DSCAM: variants seen among roughly 807,000 people sequenced by gnomAD.
The protein encoded by DSCAM is cell adhesion molecule DSCAM.
Under a neutral mutation model 217.7 loss-of-function variants are expected in DSCAM, and 47 were observed. That is an observed-to-expected ratio of 0.22 (90% CI 0.17 to 0.28). The LOEUF is 0.28. Ranked by LOEUF, DSCAM falls within the 10% of genes least tolerant of loss-of-function variation. DSCAM has a pLI of 1.00. For missense variants in DSCAM, 2,080 were observed against 2,618.3 expected (o/e 0.79, Z 4.49); for synonymous variants, 1,056 against 1,015.3 (o/e 1.04, Z -0.76).
In DSCAM at chr21:40,012,193, T is replaced by C. The variant is rs939290033; in HGVS notation, c.*841A>G. ...TTCGAATACTTGGGCTGGCCTCTGG[T>C]TGCGGTGGAGACCAGCCTGCATTTT... On this transcript the variant is annotated 3_prime_UTR_variant, in exon 33 of 33. Coordinates refer to ENST00000400454, the MANE Select transcript of DSCAM (RefSeq NM_001389.5). The C allele has an allele frequency of 6.6e-6, 1 of 152,230 alleles. No individual in the cohort carries two copies. Among genetic ancestry groups the C allele is most frequent in the African/African-American group, 2.4e-5 (1 of 41,438 alleles). 9.4% of individuals were successfully genotyped at this position (152,230 alleles called of 1,614,324 possible).
chr21:40,249,923 G>A (rs2073279344), intron 11 of DSCAM, among the ~76,000 whole-genome samples: 1 of 152,190 alleles, frequency 6.6e-6, no homozygotes, highest in African/African-American at 2.4e-5. Context: ...AGGCCTCCTG[G>A]CACTATTCCA....
intron 1 of DSCAM, among the ~76,000 whole-genome samples, chr21:40,751,728 CA>C (rs2091231403): frequency 6.6e-6 from 1 of 152,084 alleles, no homozygotes; most frequent in African/African-American, 2.4e-5. Flanking sequence ...GAGGAGCACA[CA>C]GGGGCCTTTT....
At chr21:40,352,731 C>T (rs750256208) in intron 5 of DSCAM, among the ~76,000 whole-genome samples, 4 of 152,196 alleles carry the variant, frequency 2.6e-5, no homozygotes, top group African/African-American at 4.8e-5. Flanking sequence ...TGCTCTGCCT[C>T]CCTTTTCTGG....
intron 15 of DSCAM, 25 bp downstream of exon 15, chr21:40,178,902 C>A: frequency 6.2e-7 from 1 of 1,612,188 alleles, no homozygotes; most frequent in Non-Finnish European, 8.5e-7. Flanking sequence ...TCCTCTGGAG[C>A]AAGGTTCCGC....
intron 3 of DSCAM, among the ~76,000 whole-genome samples, chr21:40,602,961 T>C (rs1414856143): frequency 1.1e-4 from 1 of 9,234 alleles, no homozygotes; most frequent in Non-Finnish European, 1.9e-4. Context: ...AATCTATGCA[T>C]TCAATGTTAT....
At chr21:40,138,017 AG>A (rs1420135928) in intron 18 of DSCAM, among the ~76,000 whole-genome samples, 1 of 152,224 alleles carries the variant, frequency 6.6e-6, no homozygotes, top group African/African-American at 2.4e-5. Flanking sequence ...TGTTTCTTTC[AG>A]GCCTTAACCA....
At chr21:40,809,141 G>A (rs1204587429) in intron 1 of DSCAM, among the ~76,000 whole-genome samples, 1 of 152,066 alleles carries the variant, frequency 6.6e-6, no homozygotes, top group African/African-American at 2.4e-5. Context: ...CTGGCCTGTT[G>A]GGATTGATAG....
intron 3 of DSCAM, among the ~76,000 whole-genome samples, chr21:40,619,107 A>C (rs1158907239): frequency 6.6e-6 from 1 of 152,212 alleles, no homozygotes; most frequent in Non-Finnish European, 1.5e-5. Flanking sequence ...CATTAAAGTG[A>C]GGCATACACA....
chr21:40,552,224 G>T (rs1000209042), intron 3 of DSCAM, among the ~76,000 whole-genome samples: 15 of 152,052 alleles, frequency 9.9e-5, no homozygotes, highest in African/African-American at 3.6e-4. Flanking sequence ...TGAGGCAGAA[G>T]AATTGCTTGA....
At chr21:40,820,549 C>CA (rs2091916394) in intron 1 of DSCAM, among the ~76,000 whole-genome samples, 1 of 152,128 alleles carries the variant, frequency 6.6e-6, no homozygotes, top group Admixed American at 6.5e-5. Flanking sequence ...ATAAGTGCAG[C>CA]AAACCACCAT....
In DSCAM at chr21:40,167,230, C is replaced by T; in HGVS notation, c.3006G>A (p.Arg1002=). 6.2e-7 allele frequency: 1 copy of T among 1,613,730 alleles called. No homozygotes were observed. The highest frequency in any genetic ancestry group is 1.3e-5 in the African/African-American group (1 of 74,876). Residue 1002 remains arginine (R), a synonymous_variant, in exon 16 of 33, where the codon AGG becomes AGA. Transcript: ENST00000400454. ...TTGCTGAGTTTACCTTCCATGTGAC[C>T]CTGATGCTCTGAGATGATATAGGCT... ...HLEPISSQSI[R]VTWKAPKKHL...
intron 3 of DSCAM, among the ~76,000 whole-genome samples, chr21:40,502,839 G>T (rs964047172): frequency 6.6e-6 from 1 of 152,026 alleles, no homozygotes; most frequent in Non-Finnish European, 1.5e-5. Flanking sequence ...GCATTTTTGG[G>T]GAGTCATAAT....
intron 27 of DSCAM, among the ~76,000 whole-genome samples, chr21:40,065,192 G>A (rs2089188679): frequency 6.6e-6 from 1 of 152,136 alleles, no homozygotes; most frequent in Non-Finnish European, 1.5e-5. Context: ...TAACATGAGT[G>A]ACAGGAATGG....
chr21:40,588,740 C>CT (rs1019600038), intron 3 of DSCAM, among the ~76,000 whole-genome samples: 5 of 152,166 alleles, frequency 3.3e-5, no homozygotes, highest in African/African-American at 1.2e-4. Flanking sequence ...TGTTGTTTTT[C>CT]TTTTTTTCTG....
At chr21:40,247,870 C>T (rs1766027919) in intron 11 of DSCAM, among the ~76,000 whole-genome samples, 1 of 152,214 alleles carries the variant, frequency 6.6e-6, no homozygotes, top group Admixed American at 6.5e-5. Context: ...GACCATGCCC[C>T]TGCAGCGAAC....
At chr21:40,369,908 T>C (rs978091749) in intron 3 of DSCAM, among the ~76,000 whole-genome samples, 4 of 152,160 alleles carry the variant, frequency 2.6e-5, no homozygotes, top group African/African-American at 9.7e-5. Context: ...TTAAAGGGAC[T>C]GTTCAAATCA....
intron 3 of DSCAM, among the ~76,000 whole-genome samples, chr21:40,651,957 C>G (rs571476188): frequency 6.6e-6 from 1 of 152,182 alleles, no homozygotes; most frequent in African/African-American, 2.4e-5. Flanking sequence ...GTCAGCCCCC[C>G]CACCTTTTTC....
intron 5 of DSCAM, among the ~76,000 whole-genome samples, chr21:40,350,121 T>C (rs893240719): frequency 2.6e-5 from 4 of 152,162 alleles, no homozygotes; most frequent in African/African-American, 9.7e-5. Flanking sequence ...GTTTACACCT[T>C]ATACGAAAAT....
intron 3 of DSCAM, among the ~76,000 whole-genome samples, chr21:40,674,822 G>A (rs1048931903): frequency 1.2e-4 from 18 of 151,912 alleles, no homozygotes; most frequent in Non-Finnish European, 2.2e-4. Context: ...TAGTAGAGAC[G>A]GGGTTTCACC....
Sources: gnomAD v4.1 joint callset for allele counts (sites outside exome capture counted in the v4.1 genomes callset) on GRCh38, gnomAD v4.1.1 for gene constraint, MANE v1.5 for transcripts, NCBI Gene and HGNC (gene_info 2026-07-23, HGNC 2026-07-21) for gene names.